The following NKAIN3 variants were observed in gnomAD, a reference collection of about 807,000 sequenced individuals.
NKAIN3 encodes sodium/potassium transporting ATPase interacting 3.
Under a neutral mutation model 30.2 loss-of-function variants are expected in NKAIN3, and 25 were observed. The observed-to-expected ratio is 0.83, with a 90% CI of 0.60 to 1.16. The LOEUF (loss-of-function observed/expected upper bound fraction) is 1.16. Among genes scored for constraint, NKAIN3 ranks in the 50% most tolerant of loss-of-function variants. The probability of loss-of-function intolerance (pLI) is 0.00; values close to 1 mark genes in which losing one functional copy is unlikely to be tolerated. For synonymous variants in NKAIN3, 91 were observed against 89.6 expected (o/e 1.02, Z -0.09); for missense variants, 225 against 254.1 (o/e 0.89, Z 0.78).
At chr8:62,643,364 G>A (rs751616307) in intron 3 of NKAIN3, among the ~76,000 whole-genome samples, 5 of 152,138 alleles carry the variant, frequency 3.3e-5, no homozygotes, top group Non-Finnish European at 7.4e-5. Flanking sequence ...TCCCAAAGGA[G>A]GAGTTGGCAA....
At chr8:62,892,447 T>C (rs1302407677) in intron 4 of NKAIN3, among the ~76,000 whole-genome samples, 1 of 152,210 alleles carries the variant, frequency 6.6e-6, no homozygotes, top group Non-Finnish European at 1.5e-5. Flanking sequence ...TTTCTGAATC[T>C]AATGAAGTAT....
intron 1 of NKAIN3, among the ~76,000 whole-genome samples, chr8:62,432,621 C>T (rs1024155273): frequency 5.9e-5 from 9 of 152,070 alleles, no homozygotes; most frequent in African/African-American, 2.2e-4. Context: ...AGGGAAATCA[C>T]TATCTAAAGT....
intron 4 of NKAIN3, among the ~76,000 whole-genome samples, chr8:62,899,553 T>C (rs1035346576): frequency 6.6e-6 from 1 of 151,940 alleles, no homozygotes; most frequent in Non-Finnish European, 1.5e-5. Context: ...CTCATGGAGA[T>C]AGACAGTAGA....
At chr8:62,720,144 GAAGT>G (rs2130515660) in intron 3 of NKAIN3, among the ~76,000 whole-genome samples, 1 of 152,216 alleles carries the variant, frequency 6.6e-6, no homozygotes, top group Admixed American at 6.5e-5. Context: ...GTGTCAAAAT[GAAGT>G]ATTTATAAAA....
At position 62,969,103 on chromosome 8, in the gene NKAIN3, G is replaced by A. The variant is rs557221652; in HGVS notation, c.*3696G>A. Among the ~76,000 whole-genome samples the A allele has an allele frequency of 1.3e-5, 2 of 152,318 alleles. No homozygotes were observed. Among genetic ancestry groups the A allele is most frequent in the South Asian group, 2.1e-4 (1 of 4,820 alleles). ...CTTTCTTACCACTTCAAATCTGGGA[G>A]GTGGTTGGCTCATTTGTTTTGAAGA... On this transcript the variant is annotated 3_prime_UTR_variant, in exon 7 of 7. Coordinates refer to ENST00000623646, the MANE Select transcript of NKAIN3 (RefSeq NM_001304533.3).
chr8:62,716,649 CAG>C (rs1216472573), intron 3 of NKAIN3, among the ~76,000 whole-genome samples: 5 of 151,560 alleles, frequency 3.3e-5, no homozygotes, highest in Admixed American at 3.3e-4. Context: ...GAATCTGTGG[CAG>C]AGAGATTAAT....
At chr8:62,723,191 A>T (rs960045301) in intron 3 of NKAIN3, among the ~76,000 whole-genome samples, 8 of 152,156 alleles carry the variant, frequency 5.3e-5, no homozygotes, top group East Asian at 1.9e-4. Context: ...TATGTTTTTT[A>T]AAAAATCCTA....
intron 3 of NKAIN3, among the ~76,000 whole-genome samples, chr8:62,598,965 G>T (rs116339734): frequency 6.6e-6 from 1 of 151,906 alleles, no homozygotes; most frequent in African/African-American, 2.4e-5. Context: ...AGGAAGACAG[G>T]GTTCAAGATT....
At chr8:62,511,194 C>T (rs899397920) in intron 1 of NKAIN3, among the ~76,000 whole-genome samples, 6 of 152,152 alleles carry the variant, frequency 3.9e-5, no homozygotes, top group Non-Finnish European at 4.4e-5. Context: ...TGTTGTCCAA[C>T]AAATCACTTC....
At chr8:62,731,994 A>G (rs1387121982) in intron 3 of NKAIN3, among the ~76,000 whole-genome samples, 1 of 152,144 alleles carries the variant, frequency 6.6e-6, no homozygotes, top group African/African-American at 2.4e-5. Context: ...CATTAAGAAT[A>G]TATAATCAAA....
At chr8:62,912,704 G>C (rs1363963934) in intron 4 of NKAIN3, among the ~76,000 whole-genome samples, 1 of 152,106 alleles carries the variant, frequency 6.6e-6, no homozygotes, top group East Asian at 1.9e-4. Flanking sequence ...GAGGTCGGGA[G>C]TTCAAGATCA....
chr8:62,315,580 T>C (rs1002444970), intron 1 of NKAIN3, among the ~76,000 whole-genome samples: 4 of 151,478 alleles, frequency 2.6e-5, no homozygotes, highest in Admixed American at 2.6e-4. Context: ...TATTATTAGC[T>C]TTGGCAAAGC....
chr8:62,855,670 AG>A, intron 4 of NKAIN3: 1 of 1,604,100 alleles, frequency 6.2e-7, no homozygotes, highest in Non-Finnish European at 8.5e-7. Context: ...GCTGCAGCCC[AG>A]GGTTCTCAAA....
At chr8:62,706,521 TTA>T (rs2130481652) in intron 3 of NKAIN3, among the ~76,000 whole-genome samples, 1 of 152,164 alleles carries the variant, frequency 6.6e-6, no homozygotes, top group African/African-American at 2.4e-5. Flanking sequence ...ATTCATTCGT[TTA>T]TAGTTTCCGA....
intron 3 of NKAIN3, among the ~76,000 whole-genome samples, chr8:62,739,151 A>T (rs1219016266): frequency 6.6e-6 from 1 of 152,162 alleles, no homozygotes; most frequent in Non-Finnish European, 1.5e-5. Flanking sequence ...ATTAAGAGAA[A>T]TACCTAATGT....
chr8:62,956,758 G>A (rs558259473), intron 6 of NKAIN3, among the ~76,000 whole-genome samples: 3 of 152,264 alleles, frequency 2.0e-5, no homozygotes, highest in South Asian at 2.1e-4. Flanking sequence ...CACAGCCTAA[G>A]TGCTAGAGAT....
At chr8:62,917,587 T>A (rs984226199) in intron 4 of NKAIN3, among the ~76,000 whole-genome samples, 2 of 152,220 alleles carry the variant, frequency 1.3e-5, no homozygotes, top group African/African-American at 4.8e-5. Flanking sequence ...ACACCAGGAC[T>A]ATCAGAAAAA....
chr8:62,547,246 C>A lies in NKAIN3; in HGVS notation c.55-32293C>A, dbSNP rs567254390. ...AGCATCATGGTGATTTCAACCCTGTCCTTAGAGAGATCTCCACTGGTACAT... is the reference window on the plus strand; with the variant it reads ...AGCATCATGGTGATTTCAACCCTGTACTTAGAGAGATCTCCACTGGTACAT... On this transcript the variant is annotated intron_variant, in intron 1 of 6. Coordinates refer to ENST00000623646, the MANE Select transcript of NKAIN3 (RefSeq NM_001304533.3). Among the ~76,000 whole-genome samples the A allele has an allele frequency of 9.9e-5, 15 of 150,940 alleles. 1 individual carries two copies. In the South Asian group the frequency reaches 3.0e-3, roughly 30 times the overall value.
intron 3 of NKAIN3, among the ~76,000 whole-genome samples, chr8:62,714,029 G>A (rs1259007108): frequency 6.6e-6 from 1 of 151,972 alleles, no homozygotes; most frequent in African/African-American, 2.4e-5. Context: ...TTTTGTATTG[G>A]ATGTTTCATC....
Sources: allele counts gnomAD v4.1 joint callset (sites outside exome capture counted in the v4.1 genomes callset), GRCh38; gene constraint gnomAD v4.1.1; transcripts MANE v1.5; gene names NCBI Gene and HGNC (gene_info 2026-07-23, HGNC 2026-07-21).